Variants in PAFAH1B1 observed in about 807,000 individuals in gnomAD.
PAFAH1B1 encodes the protein platelet-activating factor acetylhydrolase IB subunit beta.
In PAFAH1B1, 2 loss-of-function variants were observed where a neutral mutation model predicts 57.5. That is an observed-to-expected ratio of 0.03 (90% CI 0.01 to 0.11). The LOEUF is 0.11. Among genes scored for constraint, PAFAH1B1 ranks in the 10% least tolerant of loss-of-function variants. The pLI is 1.00. For synonymous variants in PAFAH1B1, 152 were observed against 169.6 expected (o/e 0.90, Z 0.81); for missense variants, 257 against 512.0 (o/e 0.50, Z 4.81).
At chr17:2,597,392 A>C (rs2151606100) in intron 1 of PAFAH1B1, among the ~76,000 whole-genome samples, 1 of 148,028 alleles carries the variant, frequency 6.8e-6, no homozygotes, top group African/African-American at 2.5e-5. Context: ...TTCTAGCTAG[A>C]ACATCCGTGT....
intron 1 of PAFAH1B1, among the ~76,000 whole-genome samples, chr17:2,627,104 C>G (rs1226996735): frequency 6.6e-6 from 1 of 152,094 alleles, no homozygotes; most frequent in Non-Finnish European, 1.5e-5. Flanking sequence ...TAATTAGGTC[C>G]CAGCTATTTA....
intron 1 of PAFAH1B1, among the ~76,000 whole-genome samples, chr17:2,605,957 A>T (rs1292392742): frequency 6.6e-6 from 1 of 152,198 alleles, no homozygotes; most frequent in Non-Finnish European, 1.5e-5. Flanking sequence ...TTTGGACACT[A>T]GGGAAGCAAA....
chr17:2,679,350 T>C lies in PAFAH1B1; in HGVS notation c.1003-814T>C, dbSNP rs943771349. On this transcript the variant is annotated intron_variant, in intron 9 of 10. Transcript: ENST00000397195. ...TATGGATGGATAGATGGATGGATGA[T>C]TAAATGGATGGATGATTAGATGGAT... Among the ~76,000 whole-genome samples, 4 of 133,490 alleles carry C rather than the reference T, an allele frequency of 3.0e-5. No individual in the cohort carries two copies. The South Asian group carries it at 7.5e-4, about 25-fold the overall frequency. 87.6% of individuals were successfully genotyped at this position (133,490 alleles called of 152,430 possible).
intron 2 of PAFAH1B1, among the ~76,000 whole-genome samples, chr17:2,638,904 T>A (rs1328819629): frequency 6.6e-6 from 1 of 151,686 alleles, no homozygotes; most frequent in African/African-American, 2.4e-5. Context: ...AAGCTTATTT[T>A]TATTTTTATT....
chr17:2,612,669 C>T (rs546254201), intron 1 of PAFAH1B1, among the ~76,000 whole-genome samples: 1 of 152,104 alleles, frequency 6.6e-6, no homozygotes, highest in Non-Finnish European at 1.5e-5. Flanking sequence ...AGTCCAGTGG[C>T]CTGAACACGG....
intron 3 of PAFAH1B1, among the ~76,000 whole-genome samples, 196 bp downstream of exon 3, chr17:2,665,652 A>AT (rs1315741874): frequency 6.6e-6 from 1 of 151,534 alleles, no homozygotes; most frequent in Non-Finnish European, 1.5e-5. Context: ...CCCAGGCTGG[A>AT]GTGCAGTGGC....
chr17:2,594,335 C>G (rs2068059486), intron 1 of PAFAH1B1, among the ~76,000 whole-genome samples: 1 of 152,214 alleles, frequency 6.6e-6, no homozygotes, highest in Non-Finnish European at 1.5e-5. Flanking sequence ...AGGGATCGCC[C>G]TCCTCCCTCG....
intron 10 of PAFAH1B1, 54 bp from the exon 11 acceptor site, chr17:2,681,675 T>C: frequency 7.1e-7 from 1 of 1,408,678 alleles, no homozygotes; most frequent in Non-Finnish European, 1.0e-6. Flanking sequence ...CTCACTATGT[T>C]TGTTGTCCAG....
At chr17:2,679,931 G>T in intron 9 of PAFAH1B1, 1 of 534,182 alleles carries the variant, frequency 1.9e-6, no homozygotes. Context: ...TTTCCATAAT[G>T]CCCTGCGGGA....
chr17:2,652,293 T>TA (rs1555525018), intron 2 of PAFAH1B1, among the ~76,000 whole-genome samples: 1 of 151,582 alleles, frequency 6.6e-6, no homozygotes, highest in Non-Finnish European at 1.5e-5. Flanking sequence ...CGGGTGCCTG[T>TA]AGTCCCAGCT....
At chr17:2,647,329 G>T (rs1360042748) in intron 2 of PAFAH1B1, among the ~76,000 whole-genome samples, 2 of 152,126 alleles carry the variant, frequency 1.3e-5, no homozygotes, top group Non-Finnish European at 2.9e-5. Flanking sequence ...TCGTGCCACT[G>T]CACTTCAGCC....
intron 5 of PAFAH1B1, chr17:2,667,593 A>G (rs975520982): frequency 4.1e-6 from 1 of 246,412 alleles, no homozygotes; most frequent in South Asian, 4.8e-5. Context: ...TTGTTCTTGG[A>G]GAATGAAAAG....
At chr17:2,613,628 T>A (rs1169708134) in intron 1 of PAFAH1B1, 1 of 292,950 alleles carries the variant, frequency 3.4e-6, no homozygotes, top group Non-Finnish European at 6.9e-6. Context: ...GATCCCCTGC[T>A]CCCTGAAGAC....
chr17:2,611,485 T>G (rs888799259), intron 1 of PAFAH1B1, among the ~76,000 whole-genome samples: 20 of 147,640 alleles, frequency 1.4e-4, no homozygotes, highest in South Asian at 2.2e-4. Context: ...AAAAAAAAAA[T>G]AAAAAAAGAA....
chr17:2,620,737 C>G (rs966523689), intron 1 of PAFAH1B1, among the ~76,000 whole-genome samples: 1 of 152,074 alleles, frequency 6.6e-6, no homozygotes, highest in Non-Finnish European at 1.5e-5. Flanking sequence ...TGGCGCGTAC[C>G]TGTAATCCTA....
Position 2,684,542 on chromosome 17 carries a change from C to T in PAFAH1B1, c.*2740C>T, listed in dbSNP as rs2069442329. ...GACTGTGTGTGTGTGTGAAAACAGA[C>T]ATTCCAGTGCCACCCAAATATATAT... On this transcript the variant is annotated 3_prime_UTR_variant, in exon 11 of 11. Coordinates refer to ENST00000397195, the MANE Select transcript of PAFAH1B1 (RefSeq NM_000430.4). 2 of 152,632 alleles carry T rather than the reference C, an allele frequency of 1.3e-5. No homozygotes were observed. Among genetic ancestry groups the T allele is most frequent in the Admixed American group, 1.3e-4 (2 of 15,278 alleles). The allele number at this position is 152,632 out of a possible 1,614,324, so 9.5% of individuals were successfully genotyped here.
In PAFAH1B1 at chr17:2,656,004, A is replaced by G. The variant is rs936620074; in HGVS notation, c.33-9368A>G. 1.2e-4 allele frequency among the ~76,000 whole-genome samples: 18 copies of G among 151,316 alleles called. No individual in the cohort carries two copies. The South Asian group carries it at 1.3e-3, about 11-fold the overall frequency. On this transcript the variant is annotated intron_variant, in intron 2 of 10. Transcript: ENST00000397195. ...AGTGGCACGATCTCGGCTCACTGCAACCTCCGCCCCTGGGTTCAAGTGATT... is the reference window on the plus strand; with the variant it reads ...AGTGGCACGATCTCGGCTCACTGCAGCCTCCGCCCCTGGGTTCAAGTGATT...
chr17:2,664,665 G>GCTCGCTCGCTCTCTCT (rs1555526142), intron 2 of PAFAH1B1, among the ~76,000 whole-genome samples: 29 of 86,086 alleles, frequency 3.4e-4, no homozygotes, highest in African/African-American at 1.1e-3. Flanking sequence ...TCTATCTATC[G>GCTCGCTCGCTCTCTCT]CTCTCTCTCT....
At chr17:2,628,555 T>C (rs370091820) in intron 1 of PAFAH1B1, among the ~76,000 whole-genome samples, 1 of 152,014 alleles carries the variant, frequency 6.6e-6, no homozygotes, top group Non-Finnish European at 1.5e-5. Flanking sequence ...GGTTGTTTGG[T>C]TGTAGTTTCC....
Sources: gnomAD v4.1 joint callset for allele counts (sites outside exome capture counted in the v4.1 genomes callset) on GRCh38, gnomAD v4.1.1 for gene constraint, MANE v1.5 for transcripts, NCBI Gene and HGNC (gene_info 2026-07-23, HGNC 2026-07-21) for gene names.